TSPAN15: variants seen among roughly 807,000 people sequenced by gnomAD.
TSPAN15 encodes tetraspanin-15.
Under a neutral mutation model 34.5 loss-of-function variants are expected in TSPAN15, and 20 were observed. The ratio of observed to expected loss-of-function variants is 0.58; its 90% CI spans 0.41 to 0.84. The LOEUF (loss-of-function observed/expected upper bound fraction) is 0.84, where lower values mean the gene tolerates loss of function less well. Ranked by LOEUF, TSPAN15 falls within the 40% of genes least tolerant of loss-of-function variation. The pLI, the probability that TSPAN15 is intolerant of heterozygous loss-of-function variation, is 0.00. For synonymous variants in TSPAN15, 155 were observed against 153.9 expected (o/e 1.01, Z -0.05); for missense variants, 313 against 386.1 (o/e 0.81, Z 1.59).
At chr10:69,508,583 C>T (rs770252022), downstream of TSPAN15, among the ~76,000 whole-genome samples, 5 of 151,924 alleles carry the variant, frequency 3.3e-5, no homozygotes, top group South Asian at 4.2e-4. Flanking sequence ...GGGTGCCAAA[C>T]GCATGTGTAA....
At chr10:69,504,330 A>G (rs1842278711) in intron 5 of TSPAN15, 108 bp from the exon 6 acceptor site, 4 of 1,050,132 alleles carry the variant, frequency 3.8e-6, no homozygotes, top group Admixed American at 2.0e-5. Context: ...TCCCTGCTGG[A>G]CGGTGCAACT....
chr10:69,452,652 G>A (rs1417391868), intron 1 of TSPAN15, among the ~76,000 whole-genome samples: 1 of 152,202 alleles, frequency 6.6e-6, no homozygotes, highest in African/African-American at 2.4e-5. Flanking sequence ...GGTGTAAGCT[G>A]CCCCAAGAGA....
chr10:69,503,225 T>C (rs771212301), intron 5 of TSPAN15, among the ~76,000 whole-genome samples: 34 of 152,150 alleles, frequency 2.2e-4, no homozygotes, highest in Non-Finnish European at 3.8e-4. Flanking sequence ...TCGTCTTGCC[T>C]GCACATCAAG....
At chr10:69,548,163 CG>C in the TSPAN15 span, among the ~76,000 whole-genome samples, 1 of 151,710 alleles carries the variant, frequency 6.6e-6, no homozygotes, top group Admixed American at 6.6e-5. Flanking sequence ...GGGAAAGGAT[CG>C]GGGGCAGACA....
At chr10:69,488,282 G>A (rs555875265) in intron 3 of TSPAN15, among the ~76,000 whole-genome samples, 10 of 152,308 alleles carry the variant, frequency 6.6e-5, no homozygotes, top group Admixed American at 5.9e-4. Context: ...GGCGGGGATG[G>A]GGGAGGAGCG....
chr10:69,511,036 C>CT (rs1016370798), downstream of TSPAN15, among the ~76,000 whole-genome samples: 3 of 151,862 alleles, frequency 2.0e-5, no homozygotes, highest in East Asian at 1.9e-4. Flanking sequence ...CTGAAATTTT[C>CT]TTTTTTTTGT....
At chr10:69,492,802 C>G (rs1051357086) in intron 3 of TSPAN15, among the ~76,000 whole-genome samples, 4 of 152,182 alleles carry the variant, frequency 2.6e-5, no homozygotes, top group Non-Finnish European at 5.9e-5. Context: ...TGTTGGCAGC[C>G]CTGGGAGAGT....
intron 1 of TSPAN15, among the ~76,000 whole-genome samples, chr10:69,482,036 T>G (rs530908502): frequency 6.7e-6 from 1 of 149,508 alleles, no homozygotes; most frequent in East Asian, 2.0e-4. Context: ...AAATCCCTCC[T>G]GGAGCTTATG....
the TSPAN15 span, among the ~76,000 whole-genome samples, chr10:69,526,044 A>G: frequency 6.8e-6 from 1 of 147,136 alleles, no homozygotes; most frequent in Non-Finnish European, 1.5e-5. Flanking sequence ...CTTCTATAAA[A>G]GATAAAGAGT....
intron 1 of TSPAN15, among the ~76,000 whole-genome samples, chr10:69,473,148 GGGA>G (rs1355749864): frequency 1.3e-5 from 2 of 152,158 alleles, no homozygotes; most frequent in African/African-American, 4.8e-5. Flanking sequence ...GACTTCCCAG[GGGA>G]GGAGGGCATT....
the TSPAN15 span, among the ~76,000 whole-genome samples, chr10:69,539,521 A>T: frequency 1.1e-5 from 1 of 89,410 alleles, no homozygotes; most frequent in Non-Finnish European, 2.4e-5. Context: ...GAAGAAGAAG[A>T]AGAAGAAGAA....
rs1291334252 is a variant in TSPAN15 at position 69,507,236 on chromosome 10, T to TC, written c.*259dup. The TC allele has an allele frequency of 2.2e-6, 3 of 1,381,974 alleles. No individual in the cohort carries two copies. In the Admixed American group the frequency reaches 9.8e-5, roughly 45 times the overall value. 85.6% of individuals were successfully genotyped at this position (1,381,974 alleles called of 1,614,324 possible). ...GGGCCTGGGGAACAAGGCCCTCCTT[T>TC]CTCCAGGCCTGGGCTACGGGGGAGG... On this transcript the variant is annotated 3_prime_UTR_variant, in exon 8 of 8. Coordinates refer to ENST00000373290, the MANE Select transcript of TSPAN15 (RefSeq NM_012339.5).
chr10:69,543,950 C>A, the TSPAN15 span, among the ~76,000 whole-genome samples: 1,263 of 148,752 alleles, frequency 8.5e-3, 13 homozygotes, highest in African/African-American at 0.029. Context: ...CCTCAGGCCT[C>A]CAGGACATGG....
intron 1 of TSPAN15, among the ~76,000 whole-genome samples, chr10:69,475,993 C>G (rs933806272): frequency 2.0e-5 from 3 of 152,000 alleles, no homozygotes; most frequent in Non-Finnish European, 4.4e-5. Context: ...ATTATTTCTT[C>G]ACTTAGGAGC....
chr10:69,472,957 A>G lies in TSPAN15; in HGVS notation c.97-10734A>G, dbSNP rs149611452. 2.1e-3 allele frequency among the ~76,000 whole-genome samples: 316 copies of G among 152,304 alleles called. 1 individual carries two copies. The highest frequency in any genetic ancestry group is 7.1e-3 in the African/African-American group (295 of 41,578). ...GTGAAGTTGTTGAGGGCAAAGTTGTATGTGTGTTGCTGGATCTAGCCACCA... is the reference window on the plus strand; with the variant it reads ...GTGAAGTTGTTGAGGGCAAAGTTGTGTGTGTGTTGCTGGATCTAGCCACCA... On this transcript the variant is annotated intron_variant, in intron 1 of 7. Transcript: ENST00000373290.
chr10:69,476,399 G>A (rs937987225), intron 1 of TSPAN15, among the ~76,000 whole-genome samples: 5 of 151,966 alleles, frequency 3.3e-5, no homozygotes, highest in Non-Finnish European at 5.9e-5. Context: ...GTTACCAAAA[G>A]TAACAAACAA....
the TSPAN15 span, among the ~76,000 whole-genome samples, chr10:69,514,097 A>G: frequency 6.6e-6 from 1 of 152,214 alleles, no homozygotes; most frequent in Admixed American, 6.5e-5. Flanking sequence ...TTTACTCAAC[A>G]TTTTTGTTGG....
chr10:69,453,900 A>G (rs757872826), intron 1 of TSPAN15, among the ~76,000 whole-genome samples: 16 of 152,094 alleles, frequency 1.1e-4, no homozygotes, highest in African/African-American at 3.4e-4. Context: ...ATTTCTGTTT[A>G]AAAGTCTCTA....
chr10:69,510,040 T>TA (rs749917149), downstream of TSPAN15, among the ~76,000 whole-genome samples: 20 of 152,340 alleles, frequency 1.3e-4, no homozygotes, highest in Non-Finnish European at 2.9e-4. Context: ...TCTTTTTGCT[T>TA]AGGATTGTCT....
Sources: gnomAD v4.1 joint callset for allele counts (sites outside exome capture counted in the v4.1 genomes callset) on GRCh38, gnomAD v4.1.1 for gene constraint, MANE v1.5 for transcripts, NCBI Gene and HGNC (gene_info 2026-07-23, HGNC 2026-07-21) for gene names.